The following SMAD1 variants were observed in gnomAD, a reference collection of about 807,000 sequenced individuals.
SMAD1 encodes the protein MAD, mothers against decapentaplegic homolog 1.
In SMAD1, 6 loss-of-function variants were observed where a neutral mutation model predicts 41.6. The ratio of observed to expected loss-of-function variants is 0.14; its 90% confidence interval spans 0.08 to 0.28. The LOEUF is 0.28. SMAD1 is among the 10% of genes least tolerant of loss of function. The pLI, the probability that SMAD1 is intolerant of heterozygous loss-of-function variation, is 1.00. For missense variants in SMAD1, 379 were observed against 582.6 expected (o/e 0.65, Z 3.60); for synonymous variants, 206 against 203.2 (o/e 1.01, Z -0.12).
chr4:145,523,226 A>G (rs1206395670), intron 2 of SMAD1, among the ~76,000 whole-genome samples: 1 of 152,200 alleles, frequency 6.6e-6, no homozygotes, highest in Non-Finnish European at 1.5e-5. Flanking sequence ...ACAGCACTGT[A>G]TTCTAAATTG....
chr4:145,525,280 A>G (rs767070576), intron 2 of SMAD1, among the ~76,000 whole-genome samples: 2 of 152,258 alleles, frequency 1.3e-5, no homozygotes, highest in Non-Finnish European at 2.9e-5. Context: ...TTCTCCGGAA[A>G]GACTAAGCAT....
intron 5 of SMAD1, 55 bp from the exon 6 acceptor site, chr4:145,553,729 C>T (rs1380218030): frequency 1.3e-6 from 2 of 1,502,558 alleles, no homozygotes; most frequent in Admixed American, 3.4e-5. Context: ...TGCACAGGTG[C>T]CTTTGAGCTG....
intron 2 of SMAD1, among the ~76,000 whole-genome samples, chr4:145,517,279 C>T (rs1321771901): frequency 6.6e-6 from 1 of 152,206 alleles, no homozygotes; most frequent in Non-Finnish European, 1.5e-5. Flanking sequence ...GTACCTGTTT[C>T]TCCTCCCTCT....
At chr4:145,552,661 A>G (rs1020950405) in intron 5 of SMAD1, among the ~76,000 whole-genome samples, 6 of 152,106 alleles carry the variant, frequency 3.9e-5, no homozygotes, top group African/African-American at 7.2e-5. Context: ...TATATCTTAC[A>G]GCTTTCGGCA....
rs1578761568 is a variant in SMAD1 at position 145,507,134 on chromosome 4, G to C, written c.-176-7304G>C. 2.0e-5 allele frequency among the ~76,000 whole-genome samples: 3 copies of C among 149,992 alleles called. No homozygotes were observed. The East Asian group carries it at 5.8e-4, about 29-fold the overall frequency. On this transcript the variant is annotated intron_variant, in intron 1 of 6. Coordinates refer to ENST00000302085, the MANE Select transcript of SMAD1 (RefSeq NM_005900.3). ...ATAAATCCAACCTGATTTCTAAGTAGAGTATAGATGTGGCTTGAGATAATG... is the reference window on the plus strand; with the variant it reads ...ATAAATCCAACCTGATTTCTAAGTACAGTATAGATGTGGCTTGAGATAATG...
chr4:145,558,549 T>G lies in SMAD1; in HGVS notation c.*615T>G, dbSNP rs115494339. Among the ~76,000 whole-genome samples the G allele has an allele frequency of 7.0e-3, 1,065 of 152,242 alleles. 11 individuals carry two copies. Among genetic ancestry groups the G allele is most frequent in the African/African-American group, 0.024 (1,008 of 41,532 alleles). On this transcript the variant is annotated 3_prime_UTR_variant, in exon 7 of 7. Transcript: ENST00000302085. The stretch of plus-strand genomic sequence containing the variant: ...TTGCTAAATATGTATGTACAGAGTA[T>G]TTGGAAGTTAAGAATTGATTAGACT...
chr4:145,520,585 A>G (rs543944864), intron 2 of SMAD1, among the ~76,000 whole-genome samples: 1 of 152,332 alleles, frequency 6.6e-6, no homozygotes, highest in Admixed American at 6.5e-5. Context: ...TTAATTTTGC[A>G]TGTTTGGATA....
At chr4:145,495,779 C>CTTTTTT (rs397938427) in intron 1 of SMAD1, among the ~76,000 whole-genome samples, 1,844 of 117,356 alleles carry the variant, frequency 0.016, 74 homozygotes, top group African/African-American at 0.057. Context: ...CAGTGCTTGG[C>CTTTTTT]TTTTTTTTTT....
At chr4:145,523,430 G>A (rs904647476) in intron 2 of SMAD1, among the ~76,000 whole-genome samples, 2 of 152,134 alleles carry the variant, frequency 1.3e-5, no homozygotes, top group African/African-American at 4.8e-5. Context: ...TCAGTTTACA[G>A]GTTTTGGACA....
At chr4:145,555,026 CTTAT>C (rs1455530801) in intron 6 of SMAD1, among the ~76,000 whole-genome samples, 2 of 152,102 alleles carry the variant, frequency 1.3e-5, no homozygotes, top group Non-Finnish European at 2.9e-5. Flanking sequence ...ACTTTTCCTA[CTTAT>C]TTAAAGCATC....
At chr4:145,499,956 C>G (rs1032260012) in intron 1 of SMAD1, among the ~76,000 whole-genome samples, 1 of 152,174 alleles carries the variant, frequency 6.6e-6, no homozygotes, top group Non-Finnish European at 1.5e-5. Context: ...CTCAGTCTTA[C>G]AGTTCCCATA....
chr4:145,553,612 G>A (rs925652091), intron 5 of SMAD1, among the ~76,000 whole-genome samples, 172 bp from the exon 6 acceptor site: 9 of 152,122 alleles, frequency 5.9e-5, no homozygotes, highest in African/African-American at 2.2e-4. Flanking sequence ...ACTGATACTG[G>A]TCCATGGCCC....
intron 2 of SMAD1, among the ~76,000 whole-genome samples, chr4:145,537,583 C>T (rs1731685197): frequency 1.3e-5 from 2 of 151,896 alleles, no homozygotes; most frequent in South Asian, 4.1e-4. Flanking sequence ...TTTTTTCCCC[C>T]AACCCAAGTA....
rs935925574 is a variant in SMAD1, at chr4:145,558,741, G to A, written c.*807G>A. ...GATTTTTATCATTTTTTTCTCTCTC[G>A]GCATTCTTTTTTCTCATACTCTTCA... On this transcript the variant is annotated 3_prime_UTR_variant, in exon 7 of 7. Coordinates refer to ENST00000302085, the MANE Select transcript of SMAD1 (RefSeq NM_005900.3). Among the ~76,000 whole-genome samples, 2 of 37,756 alleles carry A rather than the reference G, an allele frequency of 5.3e-5. No homozygotes were observed. The highest frequency in any genetic ancestry group is 9.4e-4 in the South Asian group (1 of 1,062). 24.8% of individuals were successfully genotyped at this position (37,756 alleles called of 152,430 possible).
chr4:145,483,411 C>G (rs1175484824), intron 1 of SMAD1, among the ~76,000 whole-genome samples: 1 of 152,202 alleles, frequency 6.6e-6, no homozygotes, highest in Non-Finnish European at 1.5e-5. Context: ...AATGAGAAAA[C>G]TGTTCCCTGC....
chr4:145,553,079 A>ATTT (rs113208405), intron 5 of SMAD1, among the ~76,000 whole-genome samples: 15 of 138,604 alleles, frequency 1.1e-4, no homozygotes, highest in African/African-American at 1.6e-4. Flanking sequence ...AATTTTTTGT[A>ATTT]TTTTTTTTTT....
intron 2 of SMAD1, among the ~76,000 whole-genome samples, chr4:145,531,581 C>G (rs1043667642): frequency 6.6e-6 from 1 of 152,122 alleles, no homozygotes; most frequent in African/African-American, 2.4e-5. Context: ...GCATTCTCAT[C>G]CATCAGAAGA....
chr4:145,541,891 C>T (rs750568214), intron 3 of SMAD1, among the ~76,000 whole-genome samples: 57 of 152,256 alleles, frequency 3.7e-4, no homozygotes, highest in Non-Finnish European at 7.2e-4. Context: ...AAATGCAAGA[C>T]TTGTGTTAGT....
At chr4:145,485,008 T>G (rs1728409058) in intron 1 of SMAD1, among the ~76,000 whole-genome samples, 1 of 152,228 alleles carries the variant, frequency 6.6e-6, no homozygotes, top group Non-Finnish European at 1.5e-5. Context: ...CTTATTTAGC[T>G]TATGGATTAT....
Sources: gnomAD v4.1 joint callset for allele counts (sites outside exome capture counted in the v4.1 genomes callset) on GRCh38, gnomAD v4.1.1 for gene constraint, MANE v1.5 for transcripts, NCBI Gene and HGNC (gene_info 2026-07-23, HGNC 2026-07-21) for gene names.